The following RTEL1 variants were observed in gnomAD, a reference collection of about 807,000 sequenced individuals.
The protein encoded by RTEL1 is regulator of telomere length.
RTEL1 carries 86 observed loss-of-function variants against 162.2 expected under a neutral mutation model. The ratio of observed to expected loss-of-function variants is 0.53; its 90% CI spans 0.45 to 0.63. The LOEUF (loss-of-function observed/expected upper bound fraction) is 0.63, where lower values mean the gene tolerates loss of function less well. RTEL1 is among the 30% of genes least tolerant of loss of function. RTEL1 has a pLI of 0.00. For missense variants in RTEL1, 1,941 were observed against 1,750.2 expected, an observed-to-expected ratio of 1.11 and a Z score of -1.95; for synonymous variants, 958 against 717.9, an observed-to-expected ratio of 1.33 and a Z score of -5.35.
intron 16 of RTEL1, 97 bp downstream of exon 16, chr20:63,685,969 G>C (rs1288303250): frequency 8.7e-7 from 1 of 1,151,714 alleles, no homozygotes; most frequent in African/African-American, 1.5e-5. Context: ...TGGATCTCCT[G>C]CCCCCATGGG....
chr20:63,663,563 A>G (rs775500432), intron 6 of RTEL1, among the ~76,000 whole-genome samples: 8 of 152,178 alleles, frequency 5.3e-5, no homozygotes, highest in Non-Finnish European at 1.0e-4. Flanking sequence ...CGGGTATGTC[A>G]AGGGCTTCTG....
At chr20:63,693,708 ACCACCACCACCTGCACCACCACCT>A (rs1568721565) in intron 30 of RTEL1, among the ~76,000 whole-genome samples, 9 of 36,638 alleles carry the variant, frequency 2.5e-4, no homozygotes, top group African/African-American at 8.4e-4. Flanking sequence ...CACCACCTCC[ACCACCACCACCTGCACCACCACCT>A]CCACCTCCAC....
At chr20:63,674,170 A>C in intron 10 of RTEL1, 77 bp downstream of exon 10, 2 of 1,517,720 alleles carry the variant, frequency 1.3e-6, no homozygotes, top group Non-Finnish European at 8.9e-7. Flanking sequence ...TTCAGCACGG[A>C]CTCCCCCAGC....
chr20:63,672,666 C>G (rs763084864), intron 9 of RTEL1, 45 bp downstream of exon 9: 1 of 1,496,292 alleles, frequency 6.7e-7, no homozygotes, highest in Non-Finnish European at 9.2e-7. Flanking sequence ...TGCTTCTGGC[C>G]TTTTTGTCAA....
chr20:63,676,657 C>T (rs375814122), intron 10 of RTEL1, among the ~76,000 whole-genome samples: 7 of 152,226 alleles, frequency 4.6e-5, no homozygotes, highest in South Asian at 2.1e-4. Context: ...GGGGGTGGGC[C>T]GGGTGTGCTG....
chr20:63,673,463 G>A (rs956808053), intron 9 of RTEL1, among the ~76,000 whole-genome samples: 17 of 152,168 alleles, frequency 1.1e-4, no homozygotes, highest in African/African-American at 3.9e-4. Flanking sequence ...TGTTGAGACA[G>A]GGTCTCCTTC....
At chr20:63,669,396 G>A (rs1034834990) in intron 8 of RTEL1, among the ~76,000 whole-genome samples, 19 of 152,158 alleles carry the variant, frequency 1.2e-4, no homozygotes, top group Non-Finnish European at 2.4e-4. Context: ...GATACACAAG[G>A]CACTAGCCAT....
chr20:63,692,133 A>C (rs2090761795), intron 28 of RTEL1: 3 of 364,932 alleles, frequency 8.2e-6, no homozygotes, highest in South Asian at 5.9e-5. Context: ...CACCTGCCTC[A>C]TGTGAGGGAC....
chr20:63,695,051 T>G lies in RTEL1; in HGVS notation c.3344-15T>G, dbSNP rs1376447323. On this transcript the variant is annotated splice_polypyrimidine_tract_variant and intron_variant, in intron 32 of 34. Coordinates refer to ENST00000360203, the MANE Select transcript of RTEL1 (RefSeq NM_001283009.2). ...AAATGGGGGCTGTGCCGGGTCTGATTGAAGCTCCCCGCAGGGTTCAGCATG... is the reference window on the plus strand; with the variant it reads ...AAATGGGGGCTGTGCCGGGTCTGATGGAAGCTCCCCGCAGGGTTCAGCATG... 2 of 1,611,042 alleles carry G rather than the reference T, an allele frequency of 1.2e-6. No individual in the cohort carries two copies. The highest frequency in any genetic ancestry group is 1.1e-5 in the South Asian group (1 of 91,040).
intron 29 of RTEL1, 47 bp downstream of exon 29, chr20:63,693,050 C>T (rs2090796693): frequency 6.2e-7 from 1 of 1,610,040 alleles, no homozygotes; most frequent in Non-Finnish European, 8.5e-7. Context: ...AGTGCTGCCG[C>T]CGCGTGTGGG....
rs1035560386 is a variant in RTEL1 at position 63,667,549 on chromosome 20, C to T, written c.695C>T (p.Ala232Val). The T allele has an allele frequency of 1.9e-6, 3 of 1,613,392 alleles. No individual in the cohort carries two copies. Among genetic ancestry groups the T allele is most frequent in the African/African-American group, 1.3e-5 (1 of 75,010 alleles). The change falls in exon 8 of 35, where the codon GCC becomes GTC. Residue 232 changes from alanine to valine, a missense_variant. Physicochemically the swap from Ala to Val is moderately conservative, Grantham distance 64 (BLOSUM62 0). Coordinates refer to ENST00000360203, the MANE Select transcript of RTEL1 (RefSeq NM_001283009.2). The stretch of plus-strand genomic sequence containing the variant: ...ATGCCGTACAATTACTTGTTGGATG[C>T]CAAGGTGGGGGCTCAGTCCTGTAGC... Reference protein sequence around the residue: ...IFMPYNYLLDAKSRRAHNIDL... With the variant: ...IFMPYNYLLDVKSRRAHNIDL...
intron 7 of RTEL1, among the ~76,000 whole-genome samples, chr20:63,667,116 G>A (rs986540407): frequency 2.0e-5 from 3 of 152,172 alleles, no homozygotes; most frequent in Admixed American, 6.5e-5. Context: ...TGGGATTACA[G>A]GAGTGAGCCA....
In RTEL1 at chr20:63,694,815, G is replaced by T. The variant is rs773397014; in HGVS notation, c.3184G>T (p.Ala1062Ser). ...AGKQGQHAVS[A>S]YLADARRALG... ...GAAGCAGGGCCAGCACGCCGTGAGCGCCTACCTGGCTGATGCCCGCAGGGC... is the reference window on the plus strand; with the variant it reads ...GAAGCAGGGCCAGCACGCCGTGAGCTCCTACCTGGCTGATGCCCGCAGGGC... The change falls in exon 32 of 35, where the codon GCC becomes TCC. Residue 1062 changes from alanine to serine, a missense_variant. Physicochemically the swap from Ala to Ser is moderately conservative, Grantham distance 99. Transcript: ENST00000360203. 3.7e-6 allele frequency: 6 copies of T among 1,612,458 alleles called. No individual in the cohort carries two copies. The South Asian group carries it at 6.6e-5, about 18-fold the overall frequency.
intron 8 of RTEL1, 78 bp from the exon 9 acceptor site, chr20:63,672,478 C>A: frequency 8.5e-7 from 1 of 1,178,224 alleles, no homozygotes; most frequent in Non-Finnish European, 1.2e-6. Flanking sequence ...TGTTCGATGC[C>A]TGCTGCACAT....
At chr20:63,692,690 C>T in intron 28 of RTEL1, 115 bp from the exon 29 acceptor site, 1 of 1,019,630 alleles carries the variant, frequency 9.8e-7, no homozygotes, top group Admixed American at 2.2e-5. Context: ...GGCAGCAGCC[C>T]CACCTCGGCA....
At chr20:63,694,298 A>AGGGCCGGCCCCCCCCCCCCCCG in intron 30 of RTEL1, 74 bp from the exon 31 acceptor site, 1 of 845,292 alleles carries the variant, frequency 1.2e-6, no homozygotes. Context: ...CTCCCTAGCC[A>AGGGCCGGCCCCCCCCCCCCCCG]GCCCTGCCCC....
chr20:63,694,435 A>C lies in RTEL1; in HGVS notation c.3056A>C (p.Gln1019Pro), dbSNP rs116053476. Residue 1019 changes from glutamine (Q) to proline (P), a missense_variant, in exon 31 of 35, where the codon CAA becomes CCA. Physicochemically the swap from Gln to Pro is moderately conservative, Grantham distance 76. Transcript: ENST00000360203. The part of the protein sequence containing the change: ...STAAAQQLDP[Q>P]EHLNQGRPHL... ...GCTGCAGCCCAGCAGCTGGACCCCCAAGAGCACCTGAACCAGGGCAGGCCC... is the reference window on the plus strand; with the variant it reads ...GCTGCAGCCCAGCAGCTGGACCCCCCAGAGCACCTGAACCAGGGCAGGCCC... 3 of 1,611,978 alleles carry C rather than the reference A, an allele frequency of 1.9e-6. No individual in the cohort carries two copies. The highest frequency in any genetic ancestry group is 2.2e-5 in the East Asian group (1 of 44,854).
At chr20:63,694,026 C>T (rs957245764) in intron 30 of RTEL1, among the ~76,000 whole-genome samples, 27 of 151,912 alleles carry the variant, frequency 1.8e-4, no homozygotes, top group African/African-American at 6.3e-4. Context: ...AATGAACAGC[C>T]CCTACAGAGT....
Position 63,661,682 on chromosome 20 carries a change from A to C in RTEL1, c.302-168A>C. 2 of 870,922 alleles carry C rather than the reference A, an allele frequency of 2.3e-6. No individual in the cohort carries two copies. The highest frequency in any genetic ancestry group is 3.5e-6 in the Non-Finnish European group (2 of 564,596). 53.9% of individuals were successfully genotyped at this position (870,922 alleles called of 1,614,324 possible). On this transcript the variant is annotated intron_variant, in intron 3 of 34. Coordinates refer to ENST00000360203, the MANE Select transcript of RTEL1 (RefSeq NM_001283009.2). This position sits in a 1 kb window ranked among gnomAD's most constrained non-coding sequence, Gnocchi z 5.1. ...AACCTAGGGTTGGGCTTTTTTGCTG[A>C]ATTAGGGCACGGCAGATGCCCACTT...
Sources: gnomAD v4.1 joint callset for allele counts (sites outside exome capture counted in the v4.1 genomes callset) on GRCh38, gnomAD v4.1.1 for gene constraint, Gnocchi (gnomAD v3.1) non-coding constraint, MANE v1.5 for transcripts, NCBI Gene and HGNC (gene_info 2026-07-23, HGNC 2026-07-21) for gene names.